The following SMARCAD1 variants were observed in gnomAD, a reference collection of about 807,000 sequenced individuals.
SMARCAD1 encodes SNF2 related chromatin remodeling ATPase with DExD box 1, also known as SWI/SNF-related matrix-associated actin-dependent regulator of chromatin subfamily A containing DEAD/H box 1.
In SMARCAD1, 25 loss-of-function variants were observed where a neutral mutation model predicts 127.1. The observed-to-expected ratio is 0.20, with a 90% confidence interval of 0.14 to 0.27. The LOEUF (loss-of-function observed/expected upper bound fraction) is 0.27. Ranked by LOEUF, SMARCAD1 falls within the 10% of genes least tolerant of loss-of-function variation. The pLI, the probability that SMARCAD1 is intolerant of heterozygous loss-of-function variation, is 1.00. For synonymous variants in SMARCAD1, 400 were observed against 396.9 expected (o/e 1.01, Z -0.09); for missense variants, 807 against 1,206.0 (o/e 0.67, Z 4.90).
intron 22 of SMARCAD1, among the ~76,000 whole-genome samples, chr4:94,284,206 A>G (rs1178511688): frequency 6.6e-6 from 1 of 151,020 alleles, no homozygotes; most frequent in Non-Finnish European, 1.5e-5. Context: ...AGGCGCCTGT[A>G]GTCCCAGCTA....
At chr4:94,228,402 A>G (rs952676199) in intron 3 of SMARCAD1, among the ~76,000 whole-genome samples, 6 of 152,186 alleles carry the variant, frequency 3.9e-5, no homozygotes, top group Non-Finnish European at 7.3e-5. Context: ...TATCTCCTAA[A>G]AACAAGGTCA....
At position 94,284,554 on chromosome 4, in the gene SMARCAD1, C is replaced by T. The variant is rs554908632; in HGVS notation, c.2910-406C>T. Reference sequence around the variant, plus strand: ...CTAGGATTACAGGTGTGTGCCACCACACCCAGCTAATTTTGGTTTTTGTTT... The same window carrying T: ...CTAGGATTACAGGTGTGTGCCACCATACCCAGCTAATTTTGGTTTTTGTTT... On this transcript the variant is annotated intron_variant, in intron 22 of 23. Transcript: ENST00000354268. 1.2e-4 allele frequency among the ~76,000 whole-genome samples: 18 copies of T among 148,528 alleles called. No individual in the cohort carries two copies. The South Asian group carries it at 3.9e-3, about 32-fold the overall frequency.
At chr4:94,235,970 A>G (rs1449974171) in intron 4 of SMARCAD1, among the ~76,000 whole-genome samples, 1 of 152,160 alleles carries the variant, frequency 6.6e-6, no homozygotes, top group East Asian at 1.9e-4. Context: ...CTCTTGAAGT[A>G]ATCTCTATTT....
chr4:94,275,796 CTT>C (rs535710589), intron 14 of SMARCAD1, among the ~76,000 whole-genome samples: 5 of 85,400 alleles, frequency 5.9e-5, no homozygotes, highest in Admixed American at 1.3e-4. Context: ...TTAACATTTT[CTT>C]TTTTTTTTTT....
chr4:94,234,058 A>C lies in SMARCAD1; in HGVS notation c.473A>C (p.Lys158Thr). 2.5e-6 allele frequency: 4 copies of C among 1,613,722 alleles called. No homozygotes were observed. The highest frequency in any genetic ancestry group is 2.5e-6 in the Non-Finnish European group (3 of 1,179,796). The change falls in exon 4 of 24, where the codon AAA (lysine) becomes ACA (threonine). Residue 158 changes from lysine to threonine, a missense_variant. Lys to Thr is a moderately conservative substitution (Grantham distance 78). Around this residue, in one of 8 missense-constraint regions of SMARCAD1, gnomAD observed 48 missense variants for 90.8 expected, o/e 0.53. Transcript: ENST00000354268. ...GACCTTTCGGAATTGGAAGACCTTA[A>C]AGATGCTAAACTTCAGACTTTGAAG... ...LEDLSELEDL[K>T]DAKLQTLKEL... is the part of the protein sequence containing the mutation.
rs1261296146 is a variant in SMARCAD1 at position 94,286,560 on chromosome 4, T to G, written c.3019+1491T>G. Among the ~76,000 whole-genome samples, 4 of 152,152 alleles carry G rather than the reference T, an allele frequency of 2.6e-5. No homozygotes were observed. In the South Asian group the frequency reaches 8.3e-4, roughly 31 times the overall value. On this transcript the variant is annotated intron_variant, in intron 23 of 23. Transcript: ENST00000354268. Reference sequence around the variant, plus strand: ...CAGTTTCCATTCTTTCATCGTTTTCTTTCAAAAGTTGTAGACAACTCTCTG... The same window carrying G: ...CAGTTTCCATTCTTTCATCGTTTTCGTTCAAAAGTTGTAGACAACTCTCTG...
At chr4:94,253,356 T>C (rs1203783825) in intron 9 of SMARCAD1, 3 of 1,301,688 alleles carry the variant, frequency 2.3e-6, no homozygotes, top group Non-Finnish European at 2.0e-6. Flanking sequence ...CTGTTACTGC[T>C]GAGACACCAT....
Position 94,278,934 on chromosome 4 carries a change from A to G in SMARCAD1, c.2302A>G (p.Asn768Asp). 6.2e-7 allele frequency: 1 copy of G among 1,613,988 alleles called. No individual in the cohort carries two copies. The highest frequency in any genetic ancestry group is 8.5e-7 in the Non-Finnish European group (1 of 1,179,918). ...GTGTTCTCTTTGAGTCACAGAAAAA[A>G]ACACAGAAATGTGCAATGTCATGAT... ...LKKSINNLEKNTEMCNVMMQL... is the reference protein window; with the variant it reads ...LKKSINNLEKDTEMCNVMMQL... Residue 768 changes from asparagine (N) to aspartate (D), a missense_variant, in exon 19 of 24, where the codon AAC (asparagine) becomes GAC (aspartate). Around this residue, in one of 8 missense-constraint regions of SMARCAD1, gnomAD observed 99 missense variants for 126.0 expected, o/e 0.79. Coordinates refer to ENST00000354268, the MANE Select transcript of SMARCAD1 (RefSeq NM_020159.5).
At chr4:94,213,837 A>C (rs1166045981) in intron 2 of SMARCAD1, among the ~76,000 whole-genome samples, 1 of 152,206 alleles carries the variant, frequency 6.6e-6, no homozygotes, top group African/African-American at 2.4e-5. Context: ...TTTAGTACCA[A>C]GGTAGTAGAT....
In SMARCAD1 at chr4:94,289,955, T is replaced by TAAAAA; in HGVS notation, c.*421_*422insAAAAA. 2 of 454,434 alleles carry TAAAAA rather than the reference T, an allele frequency of 4.4e-6. No individual in the cohort carries two copies. The highest frequency in any genetic ancestry group is 8.8e-6 in the Non-Finnish European group (2 of 227,020). 28.2% of individuals were successfully genotyped at this position (454,434 alleles called of 1,614,324 possible). A position where few individuals can be genotyped will look rare whatever the true frequency, so the allele number is the denominator to read the frequency against. ...TTTGACAATGCTTATGTCTTGTTTT[T>TAAAAA]GCTTGTCTCATTTGAAGTTCTTTTT... On this transcript the variant is annotated 3_prime_UTR_variant, in exon 24 of 24. Coordinates refer to ENST00000354268, the MANE Select transcript of SMARCAD1 (RefSeq NM_020159.5).
chr4:94,244,875 TAAC>T (rs1354666473), intron 6 of SMARCAD1, among the ~76,000 whole-genome samples: 4 of 152,186 alleles, frequency 2.6e-5, no homozygotes, highest in Admixed American at 1.3e-4. Flanking sequence ...ACCTCTCTGA[TAAC>T]AGCCCCTTTT....
chr4:94,234,568 G>A (rs10007463), intron 4 of SMARCAD1, among the ~76,000 whole-genome samples: 19,158 of 152,186 alleles, frequency 0.13, 1,591 homozygotes, highest in Non-Finnish European at 0.18. Context: ...CACTCTTGCT[G>A]AGAAATATTG....
In SMARCAD1 at chr4:94,207,875, C is replaced by T; in HGVS notation, c.-245C>T. The T allele has an allele frequency of 3.0e-6, 1 of 335,402 alleles. No homozygotes were observed. The highest frequency in any genetic ancestry group is 4.1e-5 in the Admixed American group (1 of 24,264). 20.8% of individuals were successfully genotyped at this position (335,402 alleles called of 1,614,324 possible). A position where few individuals can be genotyped will look rare whatever the true frequency, so the allele number is the denominator to read the frequency against. ...AGCTGGGATCGCGCCGCGTCAACTT[C>T]CGGGCGGATGCCCGCCAGCACGGCC... On this transcript the variant is annotated 5_prime_UTR_variant, in exon 1 of 24. Coordinates refer to ENST00000354268, the MANE Select transcript of SMARCAD1 (RefSeq NM_020159.5).
intron 3 of SMARCAD1, among the ~76,000 whole-genome samples, chr4:94,226,530 A>G (rs1215923088): frequency 1.0e-5 from 1 of 97,344 alleles, no homozygotes; most frequent in African/African-American, 4.2e-5. Context: ...TTTTTTTTTG[A>G]TAACAGTGAT....
chr4:94,279,435 G>A (rs1753717057), intron 19 of SMARCAD1, among the ~76,000 whole-genome samples: 1 of 152,116 alleles, frequency 6.6e-6, no homozygotes, highest in Non-Finnish European at 1.5e-5. Flanking sequence ...TCACTGCACT[G>A]AAACACGAAA....
intron 21 of SMARCAD1, 103 bp downstream of exon 21, chr4:94,281,693 G>A: frequency 1.2e-6 from 1 of 800,776 alleles, no homozygotes; most frequent in Non-Finnish European, 2.1e-6. Context: ...TTGTTTTTAT[G>A]TTTGATTACT....
At chr4:94,255,131 G>C (rs955298295) in intron 9 of SMARCAD1, among the ~76,000 whole-genome samples, 1 of 151,990 alleles carries the variant, frequency 6.6e-6, no homozygotes, top group Non-Finnish European at 1.5e-5. Context: ...TTGAGAATTA[G>C]TTGAGGTTTT....
intron 23 of SMARCAD1, among the ~76,000 whole-genome samples, chr4:94,286,072 A>C (rs1448067564): frequency 6.6e-6 from 1 of 152,232 alleles, no homozygotes; most frequent in Non-Finnish European, 1.5e-5. Flanking sequence ...ATAGAACCAT[A>C]ATAGTTGATA....
At chr4:94,258,745 G>A (rs1750503100) in intron 9 of SMARCAD1, among the ~76,000 whole-genome samples, 1 of 152,206 alleles carries the variant, frequency 6.6e-6, no homozygotes, top group Non-Finnish European at 1.5e-5. Context: ...GCAAATATCT[G>A]TAAGTGGGGT....
Sources: allele counts gnomAD v4.1 joint callset (sites outside exome capture counted in the v4.1 genomes callset), GRCh38; gene constraint gnomAD v4.1.1; regional missense constraint gnomAD v4.1.1; transcripts MANE v1.5; gene names NCBI Gene and HGNC (gene_info 2026-07-23, HGNC 2026-07-21).